The following LIMCH1 variants were observed in gnomAD, a reference collection of about 807,000 sequenced individuals.
LIMCH1 encodes LIM and calponin homology domains-containing protein 1.
In LIMCH1, 113 loss-of-function variants were observed where a neutral mutation model predicts 176.5. That is an observed-to-expected ratio of 0.64 (90% CI 0.55 to 0.75). The LOEUF (loss-of-function observed/expected upper bound fraction) is 0.75. Ranked by LOEUF, LIMCH1 falls within the 30% of genes least tolerant of loss-of-function variation. The pLI is 0.00. For synonymous variants in LIMCH1, 619 were observed against 645.9 expected (o/e 0.96, Z 0.63); for missense variants, 1,674 against 1,814.9 (o/e 0.92, Z 1.41).
At chr4:41,596,374 C>T (rs2088817825) in intron 1 of LIMCH1, among the ~76,000 whole-genome samples, 1 of 151,930 alleles carries the variant, frequency 6.6e-6, no homozygotes. Context: ...TGAGTAAAGA[C>T]AAGTCTGGAA....
Position 41,662,953 on chromosome 4 carries a change from G to A in LIMCH1, c.3260G>A (p.Ser1087Asn), listed in dbSNP as rs138209931. The change falls in exon 20 of 32, where the codon AGT becomes AAT. Residue 1087 changes from serine (S) to asparagine (N), a missense_variant. Transcript: ENST00000503057. Reference protein sequence around the residue: ...KDQKKPENEMSGKVELVLSQK... With the variant: ...KDQKKPENEMNGKVELVLSQK... Reference sequence around the variant, plus strand: ...CAGAAGAAACCAGAAAATGAAATGAGTGGAAAGGTGGAGTTGGTGCTGTCA... The same window carrying A: ...CAGAAGAAACCAGAAAATGAAATGAATGGAAAGGTGGAGTTGGTGCTGTCA... The A allele has an allele frequency of 6.7e-4, 1,080 of 1,613,900 alleles. 7 individuals carry two copies. The highest frequency in any genetic ancestry group is 4.1e-5 in the Non-Finnish European group (48 of 1,179,900).
At chr4:41,653,382 A>T (rs1407968566) in intron 18 of LIMCH1, among the ~76,000 whole-genome samples, 2 of 151,256 alleles carry the variant, frequency 1.3e-5, no homozygotes, top group African/African-American at 4.9e-5. Flanking sequence ...AAATATGGTG[A>T]CCAGCTTAGA....
At chr4:41,366,269 C>T (rs542133404) in intron 1 of LIMCH1, among the ~76,000 whole-genome samples, 79 of 152,194 alleles carry the variant, frequency 5.2e-4, no homozygotes, top group Admixed American at 2.2e-3. Context: ...CTCGAAGTGG[C>T]GCAAAATACA....
chr4:41,658,047 TGACTCCAAGCCCAGGTGGTGG>T (rs1340797056), intron 18 of LIMCH1, among the ~76,000 whole-genome samples: 2 of 152,194 alleles, frequency 1.3e-5, no homozygotes, highest in Non-Finnish European at 2.9e-5. Flanking sequence ...GGAATTGGTG[TGACTCCAAGCCCAGGTGGTGG>T]GACATTGAGG....
At chr4:41,465,849 A>T (rs1187712288) in intron 1 of LIMCH1, among the ~76,000 whole-genome samples, 1 of 152,004 alleles carries the variant, frequency 6.6e-6, no homozygotes, top group Non-Finnish European at 1.5e-5. Context: ...GCAAAGCCAT[A>T]CCCATTCGTT....
At chr4:41,505,197 A>G (rs2073989471) in intron 2 of LIMCH1, among the ~76,000 whole-genome samples, 1 of 152,202 alleles carries the variant, frequency 6.6e-6, no homozygotes, top group Admixed American at 6.5e-5. Flanking sequence ...CAGTGAGAGA[A>G]TACAGTCAAG....
chr4:41,627,678 A>T (rs1467174237), intron 8 of LIMCH1, among the ~76,000 whole-genome samples: 1 of 152,200 alleles, frequency 6.6e-6, no homozygotes, highest in Non-Finnish European at 1.5e-5. Context: ...GGGACAGGAA[A>T]ATTATAGTAA....
chr4:41,622,263 A>G (rs1376491143), intron 7 of LIMCH1, among the ~76,000 whole-genome samples: 1 of 152,194 alleles, frequency 6.6e-6, no homozygotes, highest in African/African-American at 2.4e-5. Flanking sequence ...CTAGATGCTG[A>G]GAAGACAAAA....
intron 1 of LIMCH1, among the ~76,000 whole-genome samples, chr4:41,395,229 A>ATT (rs757933680): frequency 0.013 from 1,684 of 130,870 alleles, 70 homozygotes; most frequent in African/African-American, 0.045. Context: ...GTAGAAGTTA[A>ATT]TTTTTTTTTT....
chr4:41,621,210 G>T (rs2092554665), intron 7 of LIMCH1, among the ~76,000 whole-genome samples: 1 of 152,168 alleles, frequency 6.6e-6, no homozygotes, highest in Admixed American at 6.5e-5. Flanking sequence ...TCTAAAGCAT[G>T]TTGATTCAAA....
At chr4:41,406,653 C>A (rs2058991660) in intron 1 of LIMCH1, among the ~76,000 whole-genome samples, 1 of 152,206 alleles carries the variant, frequency 6.6e-6, no homozygotes, top group Non-Finnish European at 1.5e-5. Context: ...TTCCCTGAAG[C>A]CTAGCTTGAA....
chr4:41,414,783 G>A (rs73134591), intron 1 of LIMCH1, among the ~76,000 whole-genome samples: 13 of 152,188 alleles, frequency 8.5e-5, no homozygotes, highest in African/African-American at 3.1e-4. Context: ...TCTTACAAGT[G>A]GGTCTCAATA....
intron 1 of LIMCH1, among the ~76,000 whole-genome samples, chr4:41,465,060 T>G (rs1293214118): frequency 6.6e-6 from 1 of 152,204 alleles, no homozygotes; most frequent in Non-Finnish European, 1.5e-5. Flanking sequence ...AACATCAAAC[T>G]TGCAAACTTT....
chr4:41,644,717 C>T (rs1585252200), intron 15 of LIMCH1, 91 bp downstream of exon 15: 8 of 1,468,020 alleles, frequency 5.4e-6, no homozygotes, highest in Admixed American at 2.1e-5. Context: ...GAAAGCCATG[C>T]GGGGAAAGGG....
At chr4:41,414,157 G>A (rs1029235601) in intron 1 of LIMCH1, among the ~76,000 whole-genome samples, 2 of 152,114 alleles carry the variant, frequency 1.3e-5, no homozygotes, top group African/African-American at 4.8e-5. Context: ...GGATGGGGGG[G>A]CAGGAAGAGT....
intron 2 of LIMCH1, among the ~76,000 whole-genome samples, chr4:41,519,488 A>C (rs2075909212): frequency 6.6e-6 from 1 of 152,232 alleles, no homozygotes; most frequent in Non-Finnish European, 1.5e-5. Context: ...AACTTGTTTC[A>C]TAATTAAGGA....
Position 41,603,899 on chromosome 4 carries a change from G to A in LIMCH1, c.-109G>A. On this transcript the variant is annotated 5_prime_UTR_variant, in exon 3 of 32. Coordinates refer to ENST00000503057, the MANE Select transcript of LIMCH1 (RefSeq NM_001330672.2). ...GGAGCCTTGATTATAGTAGGAAGCTGAAAAATGTAAGTGTTTTAACTTCCA... is the reference window on the plus strand; with the variant it reads ...GGAGCCTTGATTATAGTAGGAAGCTAAAAAATGTAAGTGTTTTAACTTCCA... The A allele has an allele frequency of 6.2e-7, 1 of 1,607,764 alleles. No homozygotes were observed. The highest frequency in any genetic ancestry group is 8.5e-7 in the Non-Finnish European group (1 of 1,175,090).
intron 1 of LIMCH1, among the ~76,000 whole-genome samples, chr4:41,563,419 G>C (rs964334326): frequency 6.6e-6 from 1 of 152,106 alleles, no homozygotes; most frequent in Non-Finnish European, 1.5e-5. Flanking sequence ...TCAGAACCCC[G>C]CAAACAGCTT....
intron 7 of LIMCH1, among the ~76,000 whole-genome samples, chr4:41,622,159 C>T (rs2092629819): frequency 6.6e-6 from 1 of 151,838 alleles, no homozygotes; most frequent in Non-Finnish European, 1.5e-5. Context: ...TTTTAAAACT[C>T]CAGATTTTTT....
Sources: allele counts gnomAD v4.1 joint callset (sites outside exome capture counted in the v4.1 genomes callset), GRCh38; gene constraint gnomAD v4.1.1; transcripts MANE v1.5; gene names NCBI Gene and HGNC (gene_info 2026-07-23, HGNC 2026-07-21).